CCDC34: variants seen among roughly 807,000 people sequenced by gnomAD.
CCDC34 encodes coiled-coil domain-containing protein 34.
A neutral mutation model predicts 44.1 loss-of-function variants in CCDC34; 40 were observed. The ratio of observed to expected loss-of-function variants is 0.91; its 90% CI spans 0.70 to 1.18. CCDC34 has a LOEUF of 1.18. CCDC34 is among the 50% of genes most tolerant of loss of function. The probability of loss-of-function intolerance (pLI) is 0.00; values close to 1 mark genes in which losing one functional copy is unlikely to be tolerated. For missense variants in CCDC34, 466 were observed against 452.3 expected (o/e 1.03, Z -0.28); for synonymous variants, 159 against 158.2 (o/e 1.01, Z -0.04).
chr11:27,356,387 T>G (rs1293421352), intron 2 of CCDC34, among the ~76,000 whole-genome samples: 1 of 152,114 alleles, frequency 6.6e-6, no homozygotes. Context: ...AACAGATAAC[T>G]ATATTTTAAC....
intron 3 of CCDC34, among the ~76,000 whole-genome samples, chr11:27,342,951 A>C (rs2133339403): frequency 6.6e-6 from 1 of 152,324 alleles, no homozygotes; most frequent in East Asian, 1.9e-4. Context: ...CATACATATC[A>C]CCCAGGCAAA....
At chr11:27,341,280 T>G in intron 4 of CCDC34, 112 bp downstream of exon 4, 7 of 627,886 alleles carry the variant, frequency 1.1e-5, no homozygotes, top group Non-Finnish European at 1.6e-5. Flanking sequence ...TTCTTGTGTT[T>G]ATTTTATGCT....
intron 2 of CCDC34, among the ~76,000 whole-genome samples, chr11:27,357,045 G>T (rs921272417): frequency 6.6e-6 from 1 of 152,082 alleles, no homozygotes; most frequent in Non-Finnish European, 1.5e-5. Context: ...TACATATGTT[G>T]ATGCTCCAGT....
intron 2 of CCDC34, among the ~76,000 whole-genome samples, chr11:27,356,105 G>A (rs957556270): frequency 9.3e-5 from 12 of 129,544 alleles, no homozygotes; most frequent in Admixed American, 3.9e-4. Flanking sequence ...CACAACCTCC[G>A]CCTCCTGGGT....
chr11:27,357,082 C>T (rs1210566976), intron 2 of CCDC34, among the ~76,000 whole-genome samples: 2 of 152,084 alleles, frequency 1.3e-5, no homozygotes, highest in African/African-American at 4.8e-5. Context: ...CTTATACATA[C>T]ATTTGTACGT....
intron 2 of CCDC34, among the ~76,000 whole-genome samples, chr11:27,354,725 A>T (rs1817188294): frequency 1.4e-5 from 2 of 138,828 alleles, no homozygotes; most frequent in Admixed American, 7.7e-5. Context: ...AAAATTAGCC[A>T]GGCGTGGTAG....
At chr11:27,346,045 T>C (rs879262120) in intron 3 of CCDC34, among the ~76,000 whole-genome samples, 2 of 151,900 alleles carry the variant, frequency 1.3e-5, no homozygotes, top group Non-Finnish European at 1.5e-5. Context: ...ATTTCTTAAA[T>C]AGAATACAAA....
chr11:27,359,730 T>G (rs1005486940), intron 1 of CCDC34, among the ~76,000 whole-genome samples: 18 of 152,198 alleles, frequency 1.2e-4, no homozygotes, highest in Non-Finnish European at 1.5e-4. Flanking sequence ...CAGTTGTGGC[T>G]GGCTACCTTA....
intron 2 of CCDC34, among the ~76,000 whole-genome samples, chr11:27,356,860 A>G (rs984585765): frequency 3.1e-4 from 30 of 97,470 alleles, no homozygotes; most frequent in Admixed American, 6.5e-4. Context: ...ACTGAGTGAC[A>G]CACGGTGGGG....
intron 2 of CCDC34, among the ~76,000 whole-genome samples, chr11:27,356,888 TGGTGGGGTGG>T (rs1294368329): frequency 1.1e-4 from 2 of 18,954 alleles, no homozygotes; most frequent in African/African-American, 2.1e-4. Flanking sequence ...GGGTTGGGGG[TGGTGGGGTGG>T]GGTGGGGTTG....
In CCDC34 at chr11:27,341,537, C is replaced by CTTTCT; in HGVS notation, c.615_619dup (p.Arg207LysfsTer36). The CTTTCT allele has an allele frequency of 3.9e-6, 5 of 1,266,276 alleles. No homozygotes were observed. Among genetic ancestry groups the CTTTCT allele is most frequent in the East Asian group, 2.7e-5 (1 of 37,336 alleles). The allele number at this position is 1,266,276 out of a possible 1,614,324, so 78.4% of individuals were successfully genotyped here. ...CATTTCTTTATTAATTTTTTGTTCT[C>CTTTCT]TTTCTTTTCTTTTCTTAAATAAAAA... On this transcript the variant is annotated frameshift_variant, in exon 4 of 6. Coordinates refer to ENST00000328697, the MANE Select transcript of CCDC34 (RefSeq NM_030771.2). LOFTEE classifies it high-confidence loss of function.
chr11:27,341,335 T>C, intron 4 of CCDC34, 57 bp downstream of exon 4: 4 of 1,032,142 alleles, frequency 3.9e-6, no homozygotes, highest in Non-Finnish European at 5.5e-6. Context: ...TAAGATATAG[T>C]TGACACATAT....
In CCDC34 at chr11:27,338,831, A is replaced by G. The variant is rs747455596; in HGVS notation, c.1112T>C (p.Ile371Thr). The G allele has an allele frequency of 6.2e-7, 1 of 1,611,456 alleles. No individual in the cohort carries two copies. The highest frequency in any genetic ancestry group is 8.5e-7 in the Non-Finnish European group (1 of 1,178,138). The change falls in exon 6 of 6, where the codon ATA becomes ACA. Residue 371 changes from isoleucine to threonine, a missense_variant. Physicochemically the swap from Ile to Thr is moderately conservative, Grantham distance 89. Coordinates refer to ENST00000328697, the MANE Select transcript of CCDC34 (RefSeq NM_030771.2). ...TATTTTCCACATACGCTATCTTTGTATTCTGCACAGAGTTCCAAGGCAAAG... is the reference window on the plus strand; with the variant it reads ...TATTTTCCACATACGCTATCTTTGTGTTCTGCACAGAGTTCCAAGGCAAAG... ...SNLCLGTLCR[I>T]QR
intron 3 of CCDC34, among the ~76,000 whole-genome samples, chr11:27,346,452 G>GAAGA (rs1862435330): frequency 7.1e-6 from 1 of 140,954 alleles, no homozygotes; most frequent in African/African-American, 2.7e-5. Flanking sequence ...GGGGAGGAAG[G>GAAGA]AAGGGAGGGA....
At chr11:27,358,120 C>T (rs1420101666) in intron 1 of CCDC34, among the ~76,000 whole-genome samples, 4 of 152,124 alleles carry the variant, frequency 2.6e-5, no homozygotes, top group Non-Finnish European at 5.9e-5. Flanking sequence ...TTGGTTGACA[C>T]CCTTTTGCCA....
At chr11:27,354,132 T>A (rs936486345) in intron 2 of CCDC34, among the ~76,000 whole-genome samples, 103 of 152,226 alleles carry the variant, frequency 6.8e-4, no homozygotes, top group African/African-American at 2.4e-3. Context: ...AGCTGAGTAG[T>A]TGGCCTATAT....
Position 27,357,401 on chromosome 11 carries a change from A to T in CCDC34, c.498+2T>A. The T allele has an allele frequency of 6.2e-7, 1 of 1,611,984 alleles. No homozygotes were observed. The highest frequency in any genetic ancestry group is 8.5e-7 in the Non-Finnish European group (1 of 1,178,868). On this transcript the variant is annotated splice_donor_variant, in intron 2 of 5. Coordinates refer to ENST00000328697, the MANE Select transcript of CCDC34 (RefSeq NM_030771.2). LOFTEE classifies it high-confidence loss of function. ...AATAAAAAGAACACTGTCTAGTTTT[A>T]CCTCTAGAGCTTTCAGTTGCAGCCG...
intron 3 of CCDC34, among the ~76,000 whole-genome samples, chr11:27,345,538 T>C (rs1453327467): frequency 2.0e-5 from 3 of 152,178 alleles, no homozygotes; most frequent in African/African-American, 4.8e-5. Flanking sequence ...ATGCGATGTT[T>C]GGTTTTTTGT....
chr11:27,360,041 T>C (rs1021838691), intron 1 of CCDC34, among the ~76,000 whole-genome samples: 2 of 152,234 alleles, frequency 1.3e-5, no homozygotes, highest in African/African-American at 4.8e-5. Context: ...TCAGTGGGCT[T>C]TTCTTTTAAG....
Sources: allele counts gnomAD v4.1 joint callset (sites outside exome capture counted in the v4.1 genomes callset), GRCh38; gene constraint gnomAD v4.1.1; transcripts MANE v1.5; gene names NCBI Gene and HGNC (gene_info 2026-07-23, HGNC 2026-07-21).